ATL1: variants seen among roughly 807,000 people sequenced by gnomAD.
The protein encoded by ATL1 is atlastin GTPase 1, also known as atlastin-1.
Under a neutral mutation model 75.5 loss-of-function variants are expected in ATL1, and 31 were observed. That is an observed-to-expected ratio of 0.41 (90% confidence interval 0.31 to 0.55). The LOEUF (loss-of-function observed/expected upper bound fraction) is 0.55, where lower values mean the gene tolerates loss of function less well. ATL1 is among the 20% of genes least tolerant of loss of function. ATL1 has a pLI of 0.27. For missense variants in ATL1, 405 were observed against 662.6 expected, an observed-to-expected ratio of 0.61 and a Z score of 4.27; for synonymous variants, 226 against 233.3, an observed-to-expected ratio of 0.97 and a Z score of 0.28.
At chr14:50,550,204 C>T (rs1165964623) in intron 1 of ATL1, among the ~76,000 whole-genome samples, 1 of 152,212 alleles carries the variant, frequency 6.6e-6, no homozygotes, top group Non-Finnish European at 1.5e-5. Flanking sequence ...GGAAGCTTAC[C>T]AATTGGCTAC....
At chr14:50,604,144 T>C (rs2039296033) in intron 6 of ATL1, among the ~76,000 whole-genome samples, 1 of 152,202 alleles carries the variant, frequency 6.6e-6, no homozygotes, top group Non-Finnish European at 1.5e-5. Context: ...TTAATTTTTC[T>C]ATCCAATGAG....
rs10626021 is a variant in ATL1, at chr14:50,623,384, C to CAT, written c.1119+136_1119+137insAT. The CAT allele has an allele frequency of 0.54, 378,697 of 696,444 alleles. 106,071 individuals are homozygous for CAT. The highest frequency in any genetic ancestry group is 0.73 in the East Asian group (26,122 of 35,922). 43.1% of individuals were successfully genotyped at this position (696,444 alleles called of 1,614,324 possible). A position where few individuals can be genotyped will look rare whatever the true frequency, so the allele number is the denominator to read the frequency against. On this transcript the variant is annotated intron_variant, in intron 11 of 13. Transcript: ENST00000358385. ...TTGACTTTTTCCTCAGCCTGTATCA[C>CAT]GTCTATTTATTATATTCCTGAAATA...
intron 1 of ATL1, among the ~76,000 whole-genome samples, chr14:50,582,287 A>G (rs963119403): frequency 6.6e-6 from 1 of 152,042 alleles, no homozygotes; most frequent in African/African-American, 2.4e-5. Context: ...TCAACAAAAG[A>G]AATTTAAATG....
At chr14:50,611,451 C>T (rs930966365) in intron 6 of ATL1, among the ~76,000 whole-genome samples, 2 of 152,012 alleles carry the variant, frequency 1.3e-5, no homozygotes, top group African/African-American at 2.4e-5. Flanking sequence ...ACTCAAACTG[C>T]TTTTGGTTTT....
intron 1 of ATL1, among the ~76,000 whole-genome samples, chr14:50,538,168 G>A (rs1384956938): frequency 6.6e-6 from 1 of 152,178 alleles, no homozygotes; most frequent in Non-Finnish European, 1.5e-5. Context: ...TAAGTCTCAT[G>A]AGATCTGATG....
chr14:50,618,830 A>C (rs1433894140), intron 8 of ATL1, among the ~76,000 whole-genome samples: 1 of 151,500 alleles, frequency 6.6e-6, no homozygotes, highest in Non-Finnish European at 1.5e-5. Flanking sequence ...TTTACATAGT[A>C]TGTGTATTTT....
At position 50,628,713 on chromosome 14, in the gene ATL1, CT is replaced by C. The variant is rs977551749; in HGVS notation, c.1551+259del. 7.1e-4 allele frequency: 390 copies of C among 549,002 alleles called. 3 individuals carry two copies. The highest frequency in any genetic ancestry group is 6.9e-3 in the African/African-American group (362 of 52,680). 34.0% of individuals were successfully genotyped at this position (549,002 alleles called of 1,614,324 possible). A position where few individuals can be genotyped will look rare whatever the true frequency, so the allele number is the denominator to read the frequency against. ...ATACATCAGTTTAGTAGTATATATA[CT>C]TTTTTTTCTTTTTTTGGGTAGGGGG... On this transcript the variant is annotated intron_variant, in intron 12 of 13. Transcript: ENST00000358385.
chr14:50,560,138 C>A, upstream of ATL1: 1 of 1,106,906 alleles, frequency 9.0e-7, no homozygotes, highest in Admixed American at 2.0e-5. Flanking sequence ...GCCACAGCAA[C>A]ATCCTCAGAG....
upstream of ATL1, among the ~76,000 whole-genome samples, chr14:50,555,356 A>G (rs577529511): frequency 4.6e-5 from 7 of 152,334 alleles, no homozygotes; most frequent in East Asian, 1.3e-3. Flanking sequence ...ATCTTGGCTC[A>G]CTGCAACCTC....
intron 1 of ATL1, among the ~76,000 whole-genome samples, chr14:50,584,118 T>C (rs2039080273): frequency 6.6e-6 from 1 of 152,206 alleles, no homozygotes; most frequent in Non-Finnish European, 1.5e-5. Context: ...TTCATCCCTG[T>C]AATGCCAGCA....
chr14:50,613,123 T>A, intron 6 of ATL1, 136 bp from the exon 7 acceptor site: 1 of 723,770 alleles, frequency 1.4e-6, no homozygotes, highest in East Asian at 2.7e-5. Context: ...TTTCAAAGGT[T>A]TTATGTTTGA....
intron 2 of ATL1, among the ~76,000 whole-genome samples, chr14:50,589,882 C>T (rs1494181): frequency 0.5 from 75,849 of 151,928 alleles, 19,957 homozygotes; most frequent in East Asian, 0.74. Context: ...GCATTCGTTA[C>T]TGTAAGGTTT....
At chr14:50,587,175 TAAAG>T (rs1021040174) in intron 1 of ATL1, among the ~76,000 whole-genome samples, 6 of 152,174 alleles carry the variant, frequency 3.9e-5, no homozygotes, top group Non-Finnish European at 8.8e-5. Context: ...TTCTAGGGGA[TAAAG>T]AAAGTGTGAA....
chr14:50,617,920 T>C (rs1438387168), intron 8 of ATL1, among the ~76,000 whole-genome samples: 2 of 152,198 alleles, frequency 1.3e-5, no homozygotes, highest in South Asian at 2.1e-4. Context: ...GAATCCAAAA[T>C]TGGAATACCT....
chr14:50,621,384 A>C (rs1035312526), intron 9 of ATL1, among the ~76,000 whole-genome samples: 7 of 152,194 alleles, frequency 4.6e-5, no homozygotes, highest in Non-Finnish European at 1.0e-4. Flanking sequence ...GTTTACCTTC[A>C]TGATTGTCAG....
intron 1 of ATL1, among the ~76,000 whole-genome samples, chr14:50,533,740 T>C (rs1369366760): frequency 6.6e-6 from 1 of 152,206 alleles, no homozygotes; most frequent in Non-Finnish European, 1.5e-5. Context: ...TTAATTCTGC[T>C]CTTGAGAATT....
At chr14:50,534,891 A>G (rs1310007103) in intron 1 of ATL1, among the ~76,000 whole-genome samples, 1 of 152,262 alleles carries the variant, frequency 6.6e-6, no homozygotes, top group Non-Finnish European at 1.5e-5. Context: ...ATGTACACTG[A>G]GTAAATTTAA....
At chr14:50,545,824 C>T (rs969002307) in intron 1 of ATL1, among the ~76,000 whole-genome samples, 6 of 152,272 alleles carry the variant, frequency 3.9e-5, no homozygotes, top group Non-Finnish European at 5.9e-5. Flanking sequence ...TTTTCTAGGA[C>T]GCCAGCTGGT....
intron 7 of ATL1, 53 bp downstream of exon 7, chr14:50,613,404 C>A (rs2039384939): frequency 2.9e-6 from 4 of 1,378,916 alleles, no homozygotes; most frequent in Non-Finnish European, 4.1e-6. Context: ...GGAATTATTT[C>A]TGTTGGATCA....
Sources: gnomAD v4.1 joint callset for allele counts (sites outside exome capture counted in the v4.1 genomes callset) on GRCh38, gnomAD v4.1.1 for gene constraint, MANE v1.5 for transcripts, NCBI Gene and HGNC (gene_info 2026-07-23, HGNC 2026-07-21) for gene names.